Variants in UBE2E1 observed in about 807,000 individuals in gnomAD.
UBE2E1 encodes ubiquitin conjugating enzyme E2 E1.
A neutral mutation model predicts 21.4 loss-of-function variants in UBE2E1; 6 were observed. That is an observed-to-expected ratio of 0.28 (90% CI 0.15 to 0.55). UBE2E1 has a LOEUF of 0.55. Among genes scored for constraint, UBE2E1 ranks in the 20% least tolerant of loss-of-function variants. UBE2E1 has a pLI of 0.93. For missense variants in UBE2E1, 142 were observed against 236.5 expected, an observed-to-expected ratio of 0.60 and a Z score of 2.62; for synonymous variants, 87 against 82.7, an observed-to-expected ratio of 1.05 and a Z score of -0.28.
chr3:23,854,455 G>GT (rs966767552), intron 3 of UBE2E1, among the ~76,000 whole-genome samples: 1 of 152,126 alleles, frequency 6.6e-6, no homozygotes, highest in African/African-American at 2.4e-5. Context: ...AAATTGAGGG[G>GT]TTAGTGAGAA....
chr3:23,864,267 C>A (rs1700610081), intron 3 of UBE2E1, among the ~76,000 whole-genome samples: 1 of 151,852 alleles, frequency 6.6e-6, no homozygotes, highest in Non-Finnish European at 1.5e-5. Context: ...TTTTTTTCTC[C>A]CTGGAAACTT....
In UBE2E1 at chr3:23,806,366, C is replaced by T. The variant is rs537187155; in HGVS notation, c.-34+278C>T. Among the ~76,000 whole-genome samples, 15 of 151,484 alleles carry T rather than the reference C, an allele frequency of 9.9e-5. 1 individual carries two copies. In the South Asian group the frequency reaches 2.9e-3, roughly 29 times the overall value. On this transcript the variant is annotated intron_variant, in intron 1 of 5. Coordinates refer to ENST00000306627, the MANE Select transcript of UBE2E1 (RefSeq NM_003341.5). This position sits in a 1 kb window ranked among gnomAD's most constrained non-coding sequence, Gnocchi z 6.5. ...CGAACTGTCAGCGCTGCCCCAAGAG[C>T]CCCCCACTGGCCACCGAGGGGCCCG...
chr3:23,852,994 A>G (rs1700358801), intron 3 of UBE2E1, among the ~76,000 whole-genome samples: 1 of 150,884 alleles, frequency 6.6e-6, no homozygotes, highest in African/African-American at 2.4e-5. Flanking sequence ...TCGGCTCACC[A>G]CAACTTACGC....
intron 3 of UBE2E1, among the ~76,000 whole-genome samples, chr3:23,865,049 A>G (rs1278655803): frequency 1.3e-5 from 2 of 152,214 alleles, no homozygotes; most frequent in East Asian, 1.9e-4. Flanking sequence ...TAGCAGCCCA[A>G]AACAATACAC....
At chr3:23,846,469 G>A (rs1268517860) in intron 3 of UBE2E1, among the ~76,000 whole-genome samples, 2 of 152,100 alleles carry the variant, frequency 1.3e-5, no homozygotes, top group Non-Finnish European at 2.9e-5. Context: ...GGCCGAGGTG[G>A]GCAGATCACC....
At chr3:23,809,933 T>G (rs1002872921) in intron 2 of UBE2E1, among the ~76,000 whole-genome samples, 3 of 152,230 alleles carry the variant, frequency 2.0e-5, no homozygotes, top group African/African-American at 7.2e-5. Context: ...CACAAATACG[T>G]GTCAATTGAG....
rs1410198309 is a variant in UBE2E1 at position 23,842,216 on chromosome 3, T to G, written c.203+30706T>G. ...GTGAAGGGGTGTGTGTGTGTGTGTG[T>G]GTGTGTGTGTGTGTGTGTGTGTGTG... On this transcript the variant is annotated intron_variant, in intron 3 of 5. Transcript: ENST00000306627. This position sits in a 1 kb window ranked among gnomAD's most constrained non-coding sequence, Gnocchi z 4.6. Among the ~76,000 whole-genome samples the G allele has an allele frequency of 3.4e-4, 31 of 91,966 alleles. No homozygotes were observed. Among genetic ancestry groups the G allele is most frequent in the African/African-American group, 1.3e-3 (30 of 23,240 alleles). The allele number at this position is 91,966 out of a possible 152,430, so 60.3% of individuals were successfully genotyped here. A position where few individuals can be genotyped will look rare whatever the true frequency, so the allele number is the denominator to read the frequency against.
intron 3 of UBE2E1, among the ~76,000 whole-genome samples, chr3:23,865,481 A>G (rs1042566683): frequency 3.3e-5 from 5 of 152,102 alleles, no homozygotes; most frequent in African/African-American, 1.2e-4. Context: ...TAGCCTCCCG[A>G]GTAACTGCGA....
intron 3 of UBE2E1, among the ~76,000 whole-genome samples, chr3:23,883,672 C>G (rs892517240): frequency 6.6e-6 from 1 of 152,092 alleles, no homozygotes; most frequent in South Asian, 2.1e-4. Flanking sequence ...AATCCCAGCA[C>G]TTTGGCAGGC....
intron 3 of UBE2E1, among the ~76,000 whole-genome samples, chr3:23,848,520 A>G (rs1012473197): frequency 6.6e-6 from 1 of 152,134 alleles, no homozygotes; most frequent in African/African-American, 2.4e-5. Flanking sequence ...GGTACTTAGT[A>G]AATGTTAGTT....
rs189954827 is a variant in UBE2E1, at chr3:23,876,196, C to G, written c.204-11371C>G. Reference sequence around the variant, plus strand: ...GGTACATTCCTCACAGTACCAGAGCCTCTTCCTTTCCTCTTCCCCTCACCT... The same window carrying G: ...GGTACATTCCTCACAGTACCAGAGCGTCTTCCTTTCCTCTTCCCCTCACCT... On this transcript the variant is annotated intron_variant, in intron 3 of 5. Coordinates refer to ENST00000306627, the MANE Select transcript of UBE2E1 (RefSeq NM_003341.5). The surrounding 1 kb of genome is among the most constrained non-coding windows in gnomAD (Gnocchi z 4.3). Among the ~76,000 whole-genome samples, 42 of 152,328 alleles carry G rather than the reference C, an allele frequency of 2.8e-4. No individual in the cohort carries two copies. The highest frequency in any genetic ancestry group is 9.6e-4 in the African/African-American group (40 of 41,574).
intron 3 of UBE2E1, among the ~76,000 whole-genome samples, chr3:23,881,309 CTATGT>C (rs1701033705): frequency 6.7e-6 from 1 of 148,396 alleles, no homozygotes; most frequent in Non-Finnish European, 1.5e-5. Context: ...GAAGAAAAAA[CTATGT>C]TATCTTTTTC....
intron 2 of UBE2E1, 190 bp downstream of exon 2, chr3:23,807,611 A>C: frequency 4.8e-6 from 3 of 627,866 alleles, no homozygotes; most frequent in Non-Finnish European, 2.4e-6. Flanking sequence ...CATTGCTCAC[A>C]TGCAGCTGTT....
chr3:23,818,633 T>G (rs2125284983), intron 3 of UBE2E1, among the ~76,000 whole-genome samples: 1 of 152,322 alleles, frequency 6.6e-6, no homozygotes, highest in African/African-American at 2.4e-5. Context: ...AAGTGAGCAT[T>G]TTGATGCTTC....
Position 23,807,171 on chromosome 3 carries a change from C to G in UBE2E1, c.-33-66C>G, listed in dbSNP as rs956869213. 1.1e-5 allele frequency: 15 copies of G among 1,392,524 alleles called. No individual in the cohort carries two copies. The Admixed American group carries it at 2.4e-4, about 22-fold the overall frequency. 86.3% of individuals were successfully genotyped at this position (1,392,524 alleles called of 1,614,324 possible). A position where few individuals can be genotyped will look rare whatever the true frequency, so the allele number is the denominator to read the frequency against. On this transcript the variant is annotated intron_variant, in intron 1 of 5. Transcript: ENST00000306627. ...CTGGTCAATGCCCTCCTGACAGCACCCGAGTTCCTTATTTACACTGGCTGC... is the reference window on the plus strand; with the variant it reads ...CTGGTCAATGCCCTCCTGACAGCACGCGAGTTCCTTATTTACACTGGCTGC...
rs1700104167 is a variant in UBE2E1 at position 23,842,230 on chromosome 3, TGTGTGTGTGTGTGTGTGTGG to T, written c.203+30721_203+30740del. ...GTGTGTGTGTGTGTGTGTGTGTGTG[TGTGTGTGTGTGTGTGTGTGG>T]TGTTGTTGTTGTTGGCGACAGGGTC... On this transcript the variant is annotated intron_variant, in intron 3 of 5. Coordinates refer to ENST00000306627, the MANE Select transcript of UBE2E1 (RefSeq NM_003341.5). This position sits in a 1 kb window ranked among gnomAD's most constrained non-coding sequence, Gnocchi z 4.6. Among the ~76,000 whole-genome samples, 15 of 79,978 alleles carry T rather than the reference TGTGTGTGTGTGTGTGTGTGG, an allele frequency of 1.9e-4. No individual in the cohort carries two copies. Among genetic ancestry groups the T allele is most frequent in the South Asian group, 1.9e-3 (4 of 2,144 alleles). 52.5% of individuals were successfully genotyped at this position (79,978 alleles called of 152,430 possible). A position where few individuals can be genotyped will look rare whatever the true frequency, so the allele number is the denominator to read the frequency against.
rs1321994525 is a variant in UBE2E1 at position 23,816,059 on chromosome 3, T to C, written c.203+4549T>C. Among the ~76,000 whole-genome samples the C allele has an allele frequency of 6.6e-6, 1 of 152,208 alleles. No homozygotes were observed. Among genetic ancestry groups the C allele is most frequent in the Non-Finnish European group, 1.5e-5 (1 of 68,030 alleles). ...AAAGAAACCCTATCTGGAGATGAAT[T>C]GCCTTTCAAATGAGCAGGAAGTCTT... On this transcript the variant is annotated intron_variant, in intron 3 of 5. Transcript: ENST00000306627. This position sits in a 1 kb window ranked among gnomAD's most constrained non-coding sequence, Gnocchi z 4.8.
chr3:23,881,309 C>G (rs905378368), intron 3 of UBE2E1, among the ~76,000 whole-genome samples: 11 of 148,396 alleles, frequency 7.4e-5, no homozygotes, highest in African/African-American at 2.4e-4. Context: ...GAAGAAAAAA[C>G]TATGTTATCT....
intron 3 of UBE2E1, among the ~76,000 whole-genome samples, chr3:23,871,252 G>A (rs1700779332): frequency 7.5e-6 from 1 of 134,036 alleles, no homozygotes; most frequent in Non-Finnish European, 1.6e-5. Flanking sequence ...CAGTAGGGGC[G>A]GCCGGGCAGA....
Sources: allele counts gnomAD v4.1 joint callset (sites outside exome capture counted in the v4.1 genomes callset), GRCh38; gene constraint gnomAD v4.1.1; non-coding constraint Gnocchi (gnomAD v3.1); transcripts MANE v1.5; gene names NCBI Gene and HGNC (gene_info 2026-07-23, HGNC 2026-07-21).